The following IGFBP7 variants were observed in gnomAD, a reference collection of about 807,000 sequenced individuals.
IGFBP7 encodes the protein insulin like growth factor binding protein 7, also known as insulin-like growth factor-binding protein 7.
Under a neutral mutation model 29.4 loss-of-function variants are expected in IGFBP7, and 31 were observed. The observed-to-expected ratio is 1.05, with a 90% confidence interval of 0.79 to 1.42. IGFBP7 has a LOEUF of 1.42. IGFBP7 is among the 40% of genes most tolerant of loss of function. The pLI, the probability that IGFBP7 is intolerant of heterozygous loss-of-function variation, is 0.00. For synonymous variants in IGFBP7, 172 were observed against 174.9 expected, an observed-to-expected ratio of 0.98 and a Z score of 0.13; for missense variants, 393 against 395.5, an observed-to-expected ratio of 0.99 and a Z score of 0.05.
intron 1 of IGFBP7, among the ~76,000 whole-genome samples, chr4:57,097,059 A>C (rs1725779287): frequency 6.6e-6 from 1 of 152,174 alleles, no homozygotes; most frequent in Non-Finnish European, 1.5e-5. Flanking sequence ...TGGGGCCAGT[A>C]CTTCAATTTT....
chr4:57,050,857 C>A (rs1724488021), intron 1 of IGFBP7, among the ~76,000 whole-genome samples: 2 of 152,032 alleles, frequency 1.3e-5, no homozygotes, highest in South Asian at 4.2e-4. Flanking sequence ...TGTTCATGGC[C>A]TCTTGCTGAG....
intron 1 of IGFBP7, among the ~76,000 whole-genome samples, chr4:57,044,945 A>T (rs11933954): frequency 1.3e-5 from 2 of 152,094 alleles, no homozygotes; most frequent in African/African-American, 4.8e-5. Context: ...CGTGGGCTCA[A>T]GTAATCCTCT....
At chr4:57,106,322 C>T (rs1726031673) in intron 1 of IGFBP7, among the ~76,000 whole-genome samples, 1 of 152,130 alleles carries the variant, frequency 6.6e-6, no homozygotes, top group Non-Finnish European at 1.5e-5. Context: ...ACTCAATCAT[C>T]ATGCTTATGA....
chr4:57,039,478 C>T (rs1326878462), intron 2 of IGFBP7, among the ~76,000 whole-genome samples: 1 of 151,944 alleles, frequency 6.6e-6, no homozygotes, highest in Non-Finnish European at 1.5e-5. Flanking sequence ...TGGGGGAATG[C>T]TACTGTTATA....
At chr4:57,096,364 C>T (rs1316148080) in intron 1 of IGFBP7, among the ~76,000 whole-genome samples, 2 of 150,664 alleles carry the variant, frequency 1.3e-5, no homozygotes, top group Admixed American at 6.7e-5. Flanking sequence ...TTATGATTAT[C>T]CCAAAGGAAT....
At chr4:57,069,699 C>T (rs1725011167) in intron 1 of IGFBP7, among the ~76,000 whole-genome samples, 1 of 151,810 alleles carries the variant, frequency 6.6e-6, no homozygotes, top group Non-Finnish European at 1.5e-5. Context: ...AGCAAATAAG[C>T]AGAGAGAAGG....
intron 1 of IGFBP7, among the ~76,000 whole-genome samples, chr4:57,068,518 G>C (rs1377578891): frequency 1.3e-5 from 2 of 152,132 alleles, no homozygotes; most frequent in African/African-American, 4.8e-5. Context: ...AGTAACGGCA[G>C]AGAAAAATAA....
chr4:57,075,391 T>C (rs1028999168), intron 1 of IGFBP7, among the ~76,000 whole-genome samples: 8 of 151,950 alleles, frequency 5.3e-5, no homozygotes, highest in African/African-American at 1.9e-4. Context: ...ATTTTTATTT[T>C]GCCAGGCTTA....
intron 1 of IGFBP7, among the ~76,000 whole-genome samples, chr4:57,073,993 C>A (rs186263294): frequency 6.6e-6 from 1 of 152,270 alleles, no homozygotes; most frequent in African/African-American, 2.4e-5. Flanking sequence ...CACCAGCAAG[C>A]GAGCTTCCAA....
intron 1 of IGFBP7, among the ~76,000 whole-genome samples, chr4:57,046,523 G>T (rs906477747): frequency 6.6e-6 from 1 of 152,126 alleles, no homozygotes; most frequent in African/African-American, 2.4e-5. Context: ...CTCAAGGCCA[G>T]GTCAAGGGTA....
Position 57,083,688 on chromosome 4 carries a change from G to A in IGFBP7, c.475+26189C>T, listed in dbSNP as rs118111554. On this transcript the variant is annotated intron_variant, in intron 1 of 4. Coordinates refer to ENST00000295666, the MANE Select transcript of IGFBP7 (RefSeq NM_001553.3). Reference sequence around the variant, plus strand: ...GTGCCCTCAGCAGCAGGAATGGTGCGTGGCACATAGTATGTTCTCAATAAA... The same window carrying A: ...GTGCCCTCAGCAGCAGGAATGGTGCATGGCACATAGTATGTTCTCAATAAA... Among the ~76,000 whole-genome samples the A allele has an allele frequency of 7.4e-4, 113 of 152,326 alleles. 2 individuals are homozygous for A. The East Asian group carries it at 0.015, about 20-fold the overall frequency.
At position 57,036,517 on chromosome 4, in the gene IGFBP7, G is replaced by T. The variant is rs116423697; in HGVS notation, c.586-3206C>A. 7.8e-4 allele frequency among the ~76,000 whole-genome samples: 119 copies of T among 152,338 alleles called. 1 individual carries two copies. Among genetic ancestry groups the T allele is most frequent in the African/African-American group, 2.6e-3 (110 of 41,572 alleles). On this transcript the variant is annotated intron_variant, in intron 2 of 4. Coordinates refer to ENST00000295666, the MANE Select transcript of IGFBP7 (RefSeq NM_001553.3). Reference sequence around the variant, plus strand: ...ATTGGGAAGGTGTTTTGCTTTCGCTGTGAGCATCATCTTTGATTTAAAAGG... The same window carrying T: ...ATTGGGAAGGTGTTTTGCTTTCGCTTTGAGCATCATCTTTGATTTAAAAGG...
At chr4:57,034,031 CAG>C (rs1413275390) in intron 2 of IGFBP7, among the ~76,000 whole-genome samples, 24 of 110,010 alleles carry the variant, frequency 2.2e-4, no homozygotes, top group Admixed American at 7.2e-4. Flanking sequence ...GCCTGGGCAA[CAG>C]AGTGAGACTC....
intron 1 of IGFBP7, among the ~76,000 whole-genome samples, chr4:57,082,369 C>A: frequency 6.6e-6 from 1 of 152,116 alleles, no homozygotes; most frequent in African/African-American, 2.4e-5. Context: ...CTTCTGGGAC[C>A]TGCGTCTTTG....
chr4:57,046,237 C>T (rs1336823156), intron 1 of IGFBP7, among the ~76,000 whole-genome samples: 4 of 152,080 alleles, frequency 2.6e-5, no homozygotes, highest in African/African-American at 4.8e-5. Context: ...CTCTCAAGAA[C>T]TATCATCCCA....
intron 1 of IGFBP7, among the ~76,000 whole-genome samples, chr4:57,079,666 T>C (rs1230783778): frequency 3.9e-5 from 6 of 152,236 alleles, no homozygotes; most frequent in Non-Finnish European, 1.5e-5. Flanking sequence ...AGATTTTTTT[T>C]AAACCTCAAG....
Position 57,046,182 on chromosome 4 carries a change from G to A in IGFBP7, c.476-5249C>T, listed in dbSNP as rs567839489. On this transcript the variant is annotated intron_variant, in intron 1 of 4. Transcript: ENST00000295666. ...AGAAGAGATGCTGAAAATGTTTTCG[G>A]TGGATACAATGCCAGCCCCAACAAT... is the stretch of plus-strand genomic sequence containing the variant. Among the ~76,000 whole-genome samples, 52 of 152,198 alleles carry A rather than the reference G, an allele frequency of 3.4e-4. No homozygotes were observed. In the South Asian group the frequency reaches 0.011, roughly 31 times the overall value.
intron 4 of IGFBP7, 110 bp from the exon 5 acceptor site, chr4:57,031,446 G>A: frequency 1.3e-6 from 1 of 785,806 alleles, no homozygotes; most frequent in Non-Finnish European, 2.2e-6. Flanking sequence ...TTAAAATATG[G>A]GGATAAAGGA....
chr4:57,052,329 C>A (rs1578617646), intron 1 of IGFBP7, among the ~76,000 whole-genome samples: 1 of 152,102 alleles, frequency 6.6e-6, no homozygotes, highest in African/African-American at 2.4e-5. Context: ...GGGTGTCAGT[C>A]TGAGGAAGGT....
Sources: gnomAD v4.1 joint callset for allele counts (sites outside exome capture counted in the v4.1 genomes callset) on GRCh38, gnomAD v4.1.1 for gene constraint, MANE v1.5 for transcripts, NCBI Gene and HGNC (gene_info 2026-07-23, HGNC 2026-07-21) for gene names.